RALGAPA2: variants seen among roughly 807,000 people sequenced by gnomAD.
RALGAPA2 encodes the protein ral GTPase-activating protein subunit alpha-2.
In RALGAPA2, 139 loss-of-function variants were observed where a neutral mutation model predicts 230.4. That is an observed-to-expected ratio of 0.60 (90% CI 0.53 to 0.69). The LOEUF (loss-of-function observed/expected upper bound fraction) is 0.69. RALGAPA2 is among the 30% of genes least tolerant of loss of function. RALGAPA2 has a pLI of 0.00. For synonymous variants in RALGAPA2, 847 were observed against 837.8 expected (o/e 1.01, Z -0.19); for missense variants, 2,163 against 2,276.0 (o/e 0.95, Z 1.01).
chr20:20,525,704 C>T (rs1267658884), intron 28 of RALGAPA2, among the ~76,000 whole-genome samples: 1 of 152,198 alleles, frequency 6.6e-6, no homozygotes, highest in Non-Finnish European at 1.5e-5. Context: ...GCAAAGCACA[C>T]TTGGATGCAA....
intron 3 of RALGAPA2, among the ~76,000 whole-genome samples, chr20:20,667,636 G>T (rs1234844992): frequency 6.6e-6 from 1 of 152,170 alleles, no homozygotes; most frequent in Non-Finnish European, 1.5e-5. Context: ...ACCTGCTGCA[G>T]TTTGCCTCTT....
In RALGAPA2 at chr20:20,393,136, C is replaced by T. The variant is rs146256870; in HGVS notation, c.*153G>A. ...CCTGCTGAGGGCACTAGTACAGCAA[C>T]GAAATTTCCTGGAGATTCTGGGTTT... On this transcript the variant is annotated 3_prime_UTR_variant, in exon 40 of 40. Coordinates refer to ENST00000202677, the MANE Select transcript of RALGAPA2 (RefSeq NM_020343.4). 7.9e-4 allele frequency: 1,080 copies of T among 1,360,768 alleles called. 12 individuals carry two copies. The African/African-American group carries it at 0.014, about 17-fold the overall frequency. 84.3% of individuals were successfully genotyped at this position (1,360,768 alleles called of 1,614,324 possible).
intron 38 of RALGAPA2, among the ~76,000 whole-genome samples, chr20:20,410,609 G>A (rs964145554): frequency 1.3e-5 from 2 of 152,196 alleles, no homozygotes; most frequent in Non-Finnish European, 2.9e-5. Flanking sequence ...TAGCCAGACC[G>A]AGTATGAAAT....
chr20:20,513,011 A>C lies in RALGAPA2; in HGVS notation c.4358T>G (p.Val1453Gly). Residue 1453 changes from valine (V) to glycine (G), a missense_variant, in exon 32 of 40, where the codon GTG becomes GGG. Physicochemically the swap from Val to Gly is moderately radical, Grantham distance 109. Transcript: ENST00000202677. ...PTEGPVGGSPVGSLSDVRVIV... is the reference protein window; with the variant it reads ...PTEGPVGGSPGGSLSDVRVIV... ...TACTCTCACATCAGAGAGAGAGCCCACTGGTGATCCCCCTACCGGTCCTTC... is the reference window on the plus strand; with the variant it reads ...TACTCTCACATCAGAGAGAGAGCCCCCTGGTGATCCCCCTACCGGTCCTTC... 6.2e-7 allele frequency: 1 copy of C among 1,613,766 alleles called. No individual in the cohort carries two copies. The highest frequency in any genetic ancestry group is 1.1e-5 in the South Asian group (1 of 91,048).
At chr20:20,561,832 T>A (rs1275945711) in intron 23 of RALGAPA2, among the ~76,000 whole-genome samples, 3 of 152,230 alleles carry the variant, frequency 2.0e-5, no homozygotes, top group Non-Finnish European at 2.9e-5. Context: ...ACCTCAGCAG[T>A]ACTGACATTT....
intron 1 of RALGAPA2, among the ~76,000 whole-genome samples, chr20:20,692,861 C>T (rs546353638): frequency 6.6e-6 from 1 of 152,286 alleles, no homozygotes; most frequent in African/African-American, 2.4e-5. Flanking sequence ...ACTCTGGGGC[C>T]TCCCTGCCTT....
At chr20:20,624,391 A>C (rs1416619916) in intron 10 of RALGAPA2, among the ~76,000 whole-genome samples, 2 of 151,972 alleles carry the variant, frequency 1.3e-5, no homozygotes, top group Non-Finnish European at 2.9e-5. Context: ...AAAGGACTTA[A>C]GGCATAAGCG....
intron 6 of RALGAPA2, among the ~76,000 whole-genome samples, chr20:20,640,257 A>C (rs1050420657): frequency 1.3e-5 from 2 of 152,360 alleles, no homozygotes; most frequent in South Asian, 2.1e-4. Context: ...TAGTCCCATG[A>C]GGCCACTATT....
chr20:20,617,725 A>G (rs1313021169), intron 12 of RALGAPA2, among the ~76,000 whole-genome samples: 3 of 152,198 alleles, frequency 2.0e-5, no homozygotes, highest in Non-Finnish European at 4.4e-5. Context: ...GTCAAAAGCA[A>G]CTATAGAAAA....
At chr20:20,525,297 C>T (rs1195274523) in intron 28 of RALGAPA2, among the ~76,000 whole-genome samples, 1 of 152,160 alleles carries the variant, frequency 6.6e-6, no homozygotes, top group African/African-American at 2.4e-5. Context: ...CTGGTGTAAA[C>T]AGCACCCCTT....
intron 37 of RALGAPA2, among the ~76,000 whole-genome samples, chr20:20,446,842 CTT>C (rs1387835823): frequency 6.6e-6 from 1 of 152,182 alleles, no homozygotes; most frequent in African/African-American, 2.4e-5. Flanking sequence ...CACCGAGCCT[CTT>C]TGGCTGGCTG....
At chr20:20,451,263 G>A (rs1443660942) in intron 37 of RALGAPA2, among the ~76,000 whole-genome samples, 1 of 152,068 alleles carries the variant, frequency 6.6e-6, no homozygotes, top group South Asian at 2.1e-4. Context: ...TAAGTTAGAT[G>A]TGCATTTGAA....
At chr20:20,486,758 GT>G (rs2123513743) in intron 36 of RALGAPA2, among the ~76,000 whole-genome samples, 1 of 152,242 alleles carries the variant, frequency 6.6e-6, no homozygotes, top group Non-Finnish European at 1.5e-5. Flanking sequence ...CTGTTCAGAT[GT>G]TTTTCAACCT....
chr20:20,710,186 G>T (rs759505570), intron 1 of RALGAPA2, among the ~76,000 whole-genome samples: 4 of 152,192 alleles, frequency 2.6e-5, no homozygotes, highest in Non-Finnish European at 5.9e-5. Flanking sequence ...ATCACTTGAA[G>T]ATAAAATATA....
chr20:20,414,606 G>A (rs1282926193), intron 37 of RALGAPA2, among the ~76,000 whole-genome samples: 1 of 152,172 alleles, frequency 6.6e-6, no homozygotes, highest in Non-Finnish European at 1.5e-5. Flanking sequence ...TCAAGGCTGA[G>A]AGATCTGGGC....
At chr20:20,570,444 A>T (rs1055327045) in intron 23 of RALGAPA2, among the ~76,000 whole-genome samples, 1 of 152,218 alleles carries the variant, frequency 6.6e-6, no homozygotes, top group Non-Finnish European at 1.5e-5. Context: ...TGCAGAAAGG[A>T]CAGTTACTTG....
intron 33 of RALGAPA2, 81 bp downstream of exon 33, chr20:20,511,173 T>C (rs751185265): frequency 4.6e-6 from 7 of 1,526,262 alleles, no homozygotes; most frequent in Non-Finnish European, 3.5e-6. Context: ...AGTAAGTCTA[T>C]TCATTCCTGC....
At chr20:20,554,160 C>G (rs574532111) in intron 23 of RALGAPA2, among the ~76,000 whole-genome samples, 184 of 152,304 alleles carry the variant, frequency 1.2e-3, no homozygotes, top group South Asian at 4.6e-3. Context: ...TTTCCCATTT[C>G]TCATATACCC....
At chr20:20,573,145 C>G in intron 20 of RALGAPA2, 77 bp from the exon 21 acceptor site, 2 of 1,248,584 alleles carry the variant, frequency 1.6e-6, no homozygotes, top group Non-Finnish European at 2.1e-6. Flanking sequence ...AGGCAAATTA[C>G]CTTAGGTATT....
Sources: allele counts gnomAD v4.1 joint callset (sites outside exome capture counted in the v4.1 genomes callset), GRCh38; gene constraint gnomAD v4.1.1; transcripts MANE v1.5; gene names NCBI Gene and HGNC (gene_info 2026-07-23, HGNC 2026-07-21).